The following MYB variants were observed in gnomAD, a reference collection of about 807,000 sequenced individuals.
The protein encoded by MYB is transcriptional activator Myb.
Under a neutral mutation model 92.9 loss-of-function variants are expected in MYB, and 28 were observed. The observed-to-expected ratio is 0.30, with a 90% confidence interval of 0.22 to 0.41. MYB has a LOEUF of 0.41. Ranked by LOEUF, MYB falls within the 10% of genes least tolerant of loss-of-function variation. The pLI, the probability that MYB is intolerant of heterozygous loss-of-function variation, is 1.00. For missense variants in MYB, 679 were observed against 929.3 expected (o/e 0.73, Z 3.50); for synonymous variants, 295 against 329.1 (o/e 0.90, Z 1.12).
chr6:135,198,973 C>T lies in MYB; in HGVS notation c.1632C>T (p.Pro544=), dbSNP rs752892533. The change falls in exon 11 of 16, where the codon CCC becomes CCT. Residue 544 remains proline, a synonymous_variant. Coordinates refer to ENST00000341911, the MANE Select transcript of MYB (RefSeq NM_001130173.2). ...AAATGCCTTCTTTAACTTCCACCCC[C>T]CTCATTGGTCACAAATTGACTGTTA... ...DLEMPSLTST[P]LIGHKLTVTT... 1.7e-5 allele frequency: 28 copies of T among 1,611,380 alleles called. No individual in the cohort carries two copies. Among genetic ancestry groups the T allele is most frequent in the Admixed American group, 1.0e-4 (6 of 59,938 alleles).
Position 135,196,729 on chromosome 6 carries a change from TAGAG to T in MYB, c.1204-231_1204-228del. On this transcript the variant is annotated intron_variant, in intron 9 of 15. Coordinates refer to ENST00000341911, the MANE Select transcript of MYB (RefSeq NM_001130173.2). ...TTTTGCTTTCCATTGCATGCAGATG[TAGAG>T]TGTCGGGAGGTCCCTGCAGCACATC... 4.0e-6 allele frequency: 6 copies of T among 1,497,778 alleles called. No individual in the cohort carries two copies. The African/African-American group carries it at 8.3e-5, about 21-fold the overall frequency. 92.8% of individuals were successfully genotyped at this position (1,497,778 alleles called of 1,614,324 possible).
intron 15 of MYB, chr6:135,203,783 G>C: frequency 3.8e-6 from 5 of 1,312,774 alleles, no homozygotes; most frequent in Non-Finnish European, 4.0e-6. Flanking sequence ...GAAAATAATT[G>C]CAATGTATTT....
rs959757163 is a variant in MYB, at chr6:135,185,793, C to G, written c.24-110C>G. ...GTTGTGCAAGTTTTCAAAGTTTTGT[C>G]TTCATAACCTTTGAAAAGATTGTTG... On this transcript the variant is annotated intron_variant, in intron 1 of 15. Transcript: ENST00000341911. The G allele has an allele frequency of 4.5e-6, 4 of 880,864 alleles. No individual in the cohort carries two copies. The African/African-American group carries it at 6.7e-5, about 15-fold the overall frequency. 54.6% of individuals were successfully genotyped at this position (880,864 alleles called of 1,614,324 possible). A position where few individuals can be genotyped will look rare whatever the true frequency, so the allele number is the denominator to read the frequency against.
intron 5 of MYB, 54 bp from the exon 6 acceptor site, chr6:135,192,270 T>C (rs929388005): frequency 2.1e-6 from 3 of 1,439,938 alleles, no homozygotes; most frequent in Non-Finnish European, 2.9e-6. Flanking sequence ...CAATTCACTT[T>C]AATCTGAATT....
intron 15 of MYB, among the ~76,000 whole-genome samples, chr6:135,209,124 AT>A (rs1013149524): frequency 3.0e-4 from 45 of 152,204 alleles, no homozygotes; most frequent in African/African-American, 1.1e-3. Flanking sequence ...GGAATCAGCC[AT>A]TTCCCCATGG....
At position 135,203,559 on chromosome 6, in the gene MYB, A is replaced by G. The variant is rs1299052080; in HGVS notation, c.2169+235A>G. On this transcript the variant is annotated intron_variant, in intron 15 of 15. Transcript: ENST00000341911. ...AAATTTTTATCAGTGCAGATTCCCCAAAGCATGATGAAATGAAACATTTCT... is the reference window on the plus strand; with the variant it reads ...AAATTTTTATCAGTGCAGATTCCCCGAAGCATGATGAAATGAAACATTTCT... 1.1e-5 allele frequency: 8 copies of G among 716,178 alleles called. No homozygotes were observed. The East Asian group carries it at 2.2e-4, about 19-fold the overall frequency. 44.4% of individuals were successfully genotyped at this position (716,178 alleles called of 1,614,324 possible).
At chr6:135,199,552 A>T (rs1416060857) in intron 11 of MYB, 1 of 1,074,606 alleles carries the variant, frequency 9.3e-7, no homozygotes, top group Non-Finnish European at 1.1e-6. Flanking sequence ...CATCCCCAGG[A>T]ATATTATATG....
At position 135,181,638 on chromosome 6, in the gene MYB, A is replaced by G; in HGVS notation, c.23+102A>G. The stretch of plus-strand genomic sequence containing the variant: ...TGGGAATTCGTTCCGGGATCATCTG[A>G]GGGGCTGTCAGACCCTCCGAGGACC... On this transcript the variant is annotated intron_variant, in intron 1 of 15. Transcript: ENST00000341911. This position sits in a 1 kb window ranked among gnomAD's most constrained non-coding sequence, Gnocchi z 5.3. 1.2e-6 allele frequency: 1 copy of G among 849,414 alleles called. No homozygotes were observed. Among genetic ancestry groups the G allele is most frequent in the Admixed American group, 5.0e-5 (1 of 19,810 alleles). 52.6% of individuals were successfully genotyped at this position (849,414 alleles called of 1,614,324 possible). A position where few individuals can be genotyped will look rare whatever the true frequency, so the allele number is the denominator to read the frequency against.
rs199832877 is a variant in MYB, at chr6:135,215,796, G to A, written c.2170-2068G>A. Among the ~76,000 whole-genome samples the A allele has an allele frequency of 2.6e-5, 4 of 151,998 alleles. No homozygotes were observed. In the East Asian group the frequency reaches 7.7e-4, roughly 29 times the overall value. ...TAGCTGTTTTCACCCTTTCCCCACA[G>A]CATTGCCTTGACAGTTCCTCAGTGT... On this transcript the variant is annotated intron_variant, in intron 15 of 15. Transcript: ENST00000341911.
At chr6:135,206,471 G>A (rs997241078) in intron 15 of MYB, among the ~76,000 whole-genome samples, 9 of 151,896 alleles carry the variant, frequency 5.9e-5, no homozygotes, top group African/African-American at 1.9e-4. Flanking sequence ...GCAGAGGCGG[G>A]TGGATCACAA....
At chr6:135,194,959 G>C (rs1777106053) in intron 8 of MYB, 1 of 1,333,176 alleles carries the variant, frequency 7.5e-7, no homozygotes, top group Non-Finnish European at 9.9e-7. Flanking sequence ...ATGTGTGAAA[G>C]TTATGTGGGC....
intron 6 of MYB, among the ~76,000 whole-genome samples, chr6:135,193,619 C>T (rs1776911407): frequency 6.6e-6 from 1 of 152,158 alleles, no homozygotes; most frequent in Non-Finnish European, 1.5e-5. Context: ...TGCTCATCAA[C>T]ACCTCCCAAG....
intron 15 of MYB, among the ~76,000 whole-genome samples, chr6:135,207,881 T>C (rs535019551): frequency 6.6e-6 from 1 of 150,520 alleles, no homozygotes; most frequent in Non-Finnish European, 1.5e-5. Flanking sequence ...ACTACAGATA[T>C]CTGCCTGGCT....
chr6:135,194,520 G>A, intron 8 of MYB, 60 bp downstream of exon 8: 1 of 1,184,322 alleles, frequency 8.4e-7, no homozygotes, highest in Non-Finnish European at 1.2e-6. Context: ...GTTTACCTAA[G>A]CGCTCTTCTC....
rs1313226267 is a variant in MYB at position 135,193,918 on chromosome 6, G to A, written c.843G>A (p.Gln281=). Residue 281 remains glutamine, a splice_region_variant and synonymous_variant, in exon 7 of 16, where the codon CAG becomes CAA. Coordinates refer to ENST00000341911, the MANE Select transcript of MYB (RefSeq NM_001130173.2). The part of the protein sequence containing the change: ...NVPQPAAAAI[Q]RHYNDEDPEK... ...CTCAGCCAGCTGCCGCAGCCATTCA[G>A]GTAAGATCATTGATCATTCACTGTT... 2 of 1,598,328 alleles carry A rather than the reference G, an allele frequency of 1.3e-6. No homozygotes were observed. Among genetic ancestry groups the A allele is most frequent in the Non-Finnish European group, 1.7e-6 (2 of 1,165,804 alleles).
At chr6:135,185,090 G>A (rs979975273) in intron 1 of MYB, among the ~76,000 whole-genome samples, 1 of 152,122 alleles carries the variant, frequency 6.6e-6, no homozygotes, top group African/African-American at 2.4e-5. Context: ...TCTGGATTAG[G>A]TTACATTTTA....
At chr6:135,184,086 G>A (rs189074042) in intron 1 of MYB, among the ~76,000 whole-genome samples, 2,394 of 152,206 alleles carry the variant, frequency 0.016, 40 homozygotes, top group African/African-American at 0.055. Context: ...AAACCGCTGC[G>A]GAGAGAGAGG....
intron 15 of MYB, among the ~76,000 whole-genome samples, chr6:135,211,545 A>G (rs1025607318): frequency 3.3e-5 from 5 of 152,132 alleles, no homozygotes; most frequent in African/African-American, 1.2e-4. Flanking sequence ...ATTGCTTTAG[A>G]GCAATTTGGC....
Position 135,200,185 on chromosome 6 carries a change from C to T in MYB, c.1810C>T (p.Pro604Ser), listed in dbSNP as rs55926915. The T allele has an allele frequency of 5.6e-6, 9 of 1,614,062 alleles. No homozygotes were observed. In the East Asian group the frequency reaches 2.0e-4, roughly 36 times the overall value. Residue 604 changes from proline to serine, a missense_variant, in exon 12 of 16, where the codon CCC (proline) becomes TCC (serine). By Grantham distance (74) the Pro-to-Ser change is moderately conservative. Around this residue, in one of 8 missense-constraint regions of MYB, gnomAD observed 402 missense variants for 434.2 expected, o/e 0.93. Coordinates refer to ENST00000341911, the MANE Select transcript of MYB (RefSeq NM_001130173.2). ...TGCAGCTCAAGAAATTAAATACGGT[C>T]CCCTGAAGATGCTAGTAAGTTCTAG... The part of the protein sequence containing the change: ...ALAAQEIKYG[P>S]LKMLPQTPSH...
Sources: allele counts gnomAD v4.1 joint callset (sites outside exome capture counted in the v4.1 genomes callset), GRCh38; gene constraint gnomAD v4.1.1; regional missense constraint gnomAD v4.1.1; non-coding constraint Gnocchi (gnomAD v3.1); transcripts MANE v1.5; gene names NCBI Gene and HGNC (gene_info 2026-07-23, HGNC 2026-07-21).